MAP4K3: variants seen among roughly 807,000 people sequenced by gnomAD.
MAP4K3 encodes the protein MAPK/ERK kinase kinase kinase 3.
MAP4K3 carries 94 observed loss-of-function variants against 143.5 expected under a neutral mutation model. The observed-to-expected ratio is 0.65, with a 90% CI of 0.55 to 0.78. The LOEUF (loss-of-function observed/expected upper bound fraction) is 0.78. Among genes scored for constraint, MAP4K3 ranks in the 30% least tolerant of loss-of-function variants. The probability of loss-of-function intolerance (pLI) is 0.00; values close to 1 mark genes in which losing one functional copy is unlikely to be tolerated. For synonymous variants in MAP4K3, 416 were observed against 347.2 expected, an observed-to-expected ratio of 1.20 and a Z score of -2.20; for missense variants, 1,077 against 1,068.1, an observed-to-expected ratio of 1.01 and a Z score of -0.12.
At chr2:39,345,877 G>C (rs1450179376) in intron 3 of MAP4K3, among the ~76,000 whole-genome samples, 2 of 125,570 alleles carry the variant, frequency 1.6e-5, no homozygotes, top group Non-Finnish European at 3.1e-5. Context: ...AGCAGAGATC[G>C]TTCCACTGCA....
chr2:39,306,944 G>A (rs1682729813), intron 15 of MAP4K3, among the ~76,000 whole-genome samples: 1 of 152,218 alleles, frequency 6.6e-6, no homozygotes, highest in African/African-American at 2.4e-5. Flanking sequence ...AAGCCATTAT[G>A]TATTTTGTTG....
chr2:39,303,464 T>C (rs1373783758), intron 15 of MAP4K3, among the ~76,000 whole-genome samples: 1 of 152,172 alleles, frequency 6.6e-6, no homozygotes, highest in Non-Finnish European at 1.5e-5. Flanking sequence ...TGAGGCATAC[T>C]ATATACTTCT....
intron 1 of MAP4K3, among the ~76,000 whole-genome samples, chr2:39,408,136 A>C (rs1460321405): frequency 5.3e-5 from 8 of 152,220 alleles, no homozygotes; most frequent in Non-Finnish European, 8.8e-5. Flanking sequence ...ACAAAAAGCA[A>C]AAAATAAAAA....
chr2:39,324,889 AC>A (rs1456445089), intron 12 of MAP4K3, among the ~76,000 whole-genome samples: 1 of 152,226 alleles, frequency 6.6e-6, no homozygotes, highest in Non-Finnish European at 1.5e-5. Flanking sequence ...TCATTTTAAA[AC>A]ATTTCCATAG....
At chr2:39,405,849 G>T (rs1231339849) in intron 1 of MAP4K3, among the ~76,000 whole-genome samples, 1 of 152,008 alleles carries the variant, frequency 6.6e-6, no homozygotes, top group East Asian at 1.9e-4. Flanking sequence ...TCCAGCCTGG[G>T]TGACAGAGTG....
intron 18 of MAP4K3, 40 bp from the exon 19 acceptor site, chr2:39,290,374 AC>A: frequency 3.0e-6 from 4 of 1,317,076 alleles, no homozygotes; most frequent in Non-Finnish European, 4.3e-6. Flanking sequence ...TATTCATTTT[AC>A]AAATGAATCA....
chr2:39,428,935 G>A (rs1295696204), intron 1 of MAP4K3, among the ~76,000 whole-genome samples: 1 of 150,650 alleles, frequency 6.6e-6, no homozygotes, highest in Non-Finnish European at 1.5e-5. Flanking sequence ...CAGCATGGTG[G>A]CACATGCCTA....
intron 5 of MAP4K3, 84 bp from the exon 6 acceptor site, chr2:39,337,051 T>C (rs1432747880): frequency 1.5e-6 from 1 of 649,958 alleles, no homozygotes; most frequent in Non-Finnish European, 2.7e-6. Context: ...TGGGTAGTAT[T>C]CTGTGTATTT....
chr2:39,415,021 A>T (rs1173974494), intron 1 of MAP4K3, among the ~76,000 whole-genome samples: 1 of 152,256 alleles, frequency 6.6e-6, no homozygotes, highest in Non-Finnish European at 1.5e-5. Flanking sequence ...ACAATTTTTT[A>T]GAGAACTGAA....
At chr2:39,415,774 A>G (rs1404750508) in intron 1 of MAP4K3, among the ~76,000 whole-genome samples, 1 of 150,674 alleles carries the variant, frequency 6.6e-6, no homozygotes, top group East Asian at 1.9e-4. Flanking sequence ...CAACGTGGTG[A>G]AACCCCATCT....
chr2:39,306,071 G>A (rs975371164), intron 15 of MAP4K3, among the ~76,000 whole-genome samples: 1 of 151,262 alleles, frequency 6.6e-6, no homozygotes, highest in African/African-American at 2.4e-5. Context: ...CTCATGATCT[G>A]CCCGCCTTGG....
intron 1 of MAP4K3, among the ~76,000 whole-genome samples, chr2:39,382,487 T>C (rs1342605872): frequency 1.3e-5 from 2 of 152,210 alleles, no homozygotes; most frequent in Non-Finnish European, 2.9e-5. Flanking sequence ...TTGTGTCTTC[T>C]TCCTGACCCC....
At chr2:39,378,431 A>G (rs1666277607) in intron 1 of MAP4K3, among the ~76,000 whole-genome samples, 1 of 152,160 alleles carries the variant, frequency 6.6e-6, no homozygotes, top group Admixed American at 6.5e-5. Context: ...ATAGGTACTG[A>G]TATTATTCTC....
intron 2 of MAP4K3, among the ~76,000 whole-genome samples, chr2:39,365,442 T>A (rs1665894806): frequency 6.9e-6 from 1 of 144,426 alleles, no homozygotes; most frequent in East Asian, 2.0e-4. Context: ...TTTTTTTTTT[T>A]TTTTTTTTTT....
chr2:39,375,466 G>C (rs1267133437), intron 2 of MAP4K3, among the ~76,000 whole-genome samples: 1 of 152,106 alleles, frequency 6.6e-6, no homozygotes, highest in Non-Finnish European at 1.5e-5. Flanking sequence ...AAATGATCGA[G>C]TTACTTCCAC....
In MAP4K3 at chr2:39,253,290, C is replaced by T. The variant is rs187910890; in HGVS notation, c.2541+1160G>A. Among the ~76,000 whole-genome samples the T allele has an allele frequency of 2.4e-3, 372 of 152,264 alleles. 3 individuals carry two copies. The highest frequency in any genetic ancestry group is 7.9e-3 in the African/African-American group (328 of 41,564). On this transcript the variant is annotated intron_variant, in intron 32 of 33. Transcript: ENST00000263881. Reference sequence around the variant, plus strand: ...CTGGGACTAGAGGCACGCGCCACCACGCCTGGCTAATTTTTCTATTTTTAG... The same window carrying T: ...CTGGGACTAGAGGCACGCGCCACCATGCCTGGCTAATTTTTCTATTTTTAG...
At chr2:39,417,420 C>G (rs1391328777) in intron 1 of MAP4K3, among the ~76,000 whole-genome samples, 1 of 151,968 alleles carries the variant, frequency 6.6e-6, no homozygotes, top group Non-Finnish European at 1.5e-5. Flanking sequence ...GTGGTTTCAC[C>G]GTGTTAGCCA....
chr2:39,331,404 T>C (rs1683677081), intron 8 of MAP4K3, among the ~76,000 whole-genome samples: 1 of 152,122 alleles, frequency 6.6e-6, no homozygotes, highest in Non-Finnish European at 1.5e-5. Flanking sequence ...GGAAGGTCCA[T>C]GGAGAAGACT....
chr2:39,336,471 C>CAAAAAAAAAAAAAAAAAAAAAAAA, intron 6 of MAP4K3, among the ~76,000 whole-genome samples: 1 of 38,664 alleles, frequency 2.6e-5, no homozygotes, highest in Non-Finnish European at 3.9e-5. Context: ...GACTCCATCT[C>CAAAAAAAAAAAAAAAAAAAAAAAA]AAAAAAAAAA....
Sources: allele counts gnomAD v4.1 joint callset (sites outside exome capture counted in the v4.1 genomes callset), GRCh38; gene constraint gnomAD v4.1.1; transcripts MANE v1.5; gene names NCBI Gene and HGNC (gene_info 2026-07-23, HGNC 2026-07-21).